ATP10D: variants seen among roughly 807,000 people sequenced by gnomAD.
ATP10D encodes the protein ATPase phospholipid transporting 10D (putative).
In ATP10D, 89 loss-of-function variants were observed where a neutral mutation model predicts 144.8. That is an observed-to-expected ratio of 0.61 (90% confidence interval 0.52 to 0.73). ATP10D has a LOEUF of 0.73. Ranked by LOEUF, ATP10D falls within the 30% of genes least tolerant of loss-of-function variation. The probability of loss-of-function intolerance (pLI) is 0.00; values close to 1 mark genes in which losing one functional copy is unlikely to be tolerated. For synonymous variants in ATP10D, 571 were observed against 615.1 expected (o/e 0.93, Z 1.06); for missense variants, 1,603 against 1,714.8 (o/e 0.93, Z 1.15).
At position 47,560,959 on chromosome 4, in the gene ATP10D, A is replaced by C. The variant is rs1719265137; in HGVS notation, c.2552A>C (p.Asp851Ala). 2 of 1,614,172 alleles carry C rather than the reference A, an allele frequency of 1.2e-6. No individual in the cohort carries two copies. Among genetic ancestry groups the C allele is most frequent in the Admixed American group, 3.3e-5 (2 of 60,032 alleles). ...TAATTCTTCCCGTAGGTCATGAGTGACACTGAATATGCAGAGTGGCTGAGG... is the reference window on the plus strand; with the variant it reads ...TAATTCTTCCCGTAGGTCATGAGTGCCACTGAATATGCAGAGTGGCTGAGG... ...TLCIAKKVMS[D>A]TEYAEWLRNH... Residue 851 changes from aspartate (D) to alanine (A), a missense_variant, in exon 14 of 23, where the codon GAC becomes GCC. By Grantham distance (126) the Asp-to-Ala change is moderately radical. Transcript: ENST00000273859.
intron 13 of ATP10D, among the ~76,000 whole-genome samples, chr4:47,559,578 T>G (rs1227642767): frequency 1.3e-5 from 2 of 152,290 alleles, no homozygotes; most frequent in African/African-American, 2.4e-5. Context: ...AAGATGGAGC[T>G]CCAATAAATT....
chr4:47,494,923 G>A (rs1199322901), intron 1 of ATP10D, among the ~76,000 whole-genome samples: 1 of 152,138 alleles, frequency 6.6e-6, no homozygotes, highest in African/African-American at 2.4e-5. Flanking sequence ...AGAAAGAAGA[G>A]TCTCCCAAAA....
chr4:47,486,399 CTG>C (rs1253084425), intron 1 of ATP10D, among the ~76,000 whole-genome samples: 5 of 152,230 alleles, frequency 3.3e-5, no homozygotes, highest in African/African-American at 1.2e-4. Flanking sequence ...AAAAACAAGT[CTG>C]TATGGACAGA....
At position 47,581,877 on chromosome 4, in the gene ATP10D, C is replaced by T; in HGVS notation, c.3649-83C>T. ...GGGACCTTGTAGAAGGGATTCAAGC[C>T]TTGGTTGAGCTGTAGATAAAGTGAT... On this transcript the variant is annotated intron_variant, in intron 20 of 22. Transcript: ENST00000273859. 5.5e-6 allele frequency: 6 copies of T among 1,100,616 alleles called. No homozygotes were observed. The South Asian group carries it at 6.6e-5, about 12-fold the overall frequency. 68.2% of individuals were successfully genotyped at this position (1,100,616 alleles called of 1,614,324 possible).
intron 21 of ATP10D, chr4:47,582,951 T>C (rs958887459): frequency 5.3e-5 from 8 of 152,228 alleles, no homozygotes; most frequent in Non-Finnish European, 8.8e-5. Flanking sequence ...AAGACCAGCC[T>C]GGGCAACATA....
chr4:47,576,961 T>G lies in ATP10D; in HGVS notation c.3555T>G (p.Gly1185=). The G allele has an allele frequency of 6.2e-7, 1 of 1,614,166 alleles. No individual in the cohort carries two copies. The highest frequency in any genetic ancestry group is 8.5e-7 in the Non-Finnish European group (1 of 1,179,998). ...LMQLPELYRS[G]QKSEAYLPHT... ...AACTGCCTGAACTTTACAGAAGTGG[T>G]CAGAAATCAGAGGTAGGTGTTAAAG... Residue 1185 remains glycine (G), a synonymous_variant, in exon 19 of 23, where the codon GGT becomes GGG. Transcript: ENST00000273859.
rs2109486807 is a variant in ATP10D at position 47,591,415 on chromosome 4, G to C, written c.*34G>C. ...CTTGGAGTTGCAAGTATTCTTTCAA[G>C]GTTGGAAGAGGGATTTTGAAGAGGT... On this transcript the variant is annotated 3_prime_UTR_variant, in exon 23 of 23. Coordinates refer to ENST00000273859, the MANE Select transcript of ATP10D (RefSeq NM_020453.4). The C allele has an allele frequency of 6.6e-7, 1 of 1,505,086 alleles. No homozygotes were observed. The highest frequency in any genetic ancestry group is 9.0e-7 in the Non-Finnish European group (1 of 1,115,606). 93.2% of individuals were successfully genotyped at this position (1,505,086 alleles called of 1,614,324 possible).
intron 15 of ATP10D, among the ~76,000 whole-genome samples, chr4:47,565,888 C>T (rs535349266): frequency 8.5e-5 from 13 of 152,052 alleles, no homozygotes; most frequent in Non-Finnish European, 1.8e-4. Flanking sequence ...TTTTTGCTAT[C>T]GATAGCTATT....
At chr4:47,521,369 G>A (rs1049920028) in intron 3 of ATP10D, among the ~76,000 whole-genome samples, 2 of 152,144 alleles carry the variant, frequency 1.3e-5, no homozygotes, top group African/African-American at 4.8e-5. Flanking sequence ...TGTCACCCTG[G>A]ATAATTCCTT....
At chr4:47,586,176 G>A (rs1720780868) in intron 21 of ATP10D, among the ~76,000 whole-genome samples, 1 of 152,104 alleles carries the variant, frequency 6.6e-6, no homozygotes, top group Admixed American at 6.5e-5. Context: ...CTGTCTTTTG[G>A]ATACAAGCCA....
chr4:47,514,401 C>T (rs1716520188), intron 2 of ATP10D, among the ~76,000 whole-genome samples: 2 of 151,922 alleles, frequency 1.3e-5, no homozygotes, highest in South Asian at 4.2e-4. Context: ...AGAATTGAAG[C>T]CACAGAGTAG....
intron 15 of ATP10D, among the ~76,000 whole-genome samples, chr4:47,567,733 T>C (rs1719717273): frequency 1.3e-5 from 2 of 152,214 alleles, no homozygotes; most frequent in South Asian, 4.1e-4. Context: ...ATCAAATTCA[T>C]TCCTAAAATG....
rs557742118 is a variant in ATP10D at position 47,570,303 on chromosome 4, G to A, written c.3163+1157G>A. ...GAGAGAAAGAGTTGTCATAGGGAAC[G>A]CCAAAGTTATGTCTAAGAACAGAAA... On this transcript the variant is annotated intron_variant, in intron 16 of 22. Coordinates refer to ENST00000273859, the MANE Select transcript of ATP10D (RefSeq NM_020453.4). Among the ~76,000 whole-genome samples the A allele has an allele frequency of 5.9e-5, 9 of 152,218 alleles. No individual in the cohort carries two copies. In the South Asian group the frequency reaches 1.2e-3, roughly 21 times the overall value.
At position 47,591,160 on chromosome 4, in the gene ATP10D, G is replaced by A. The variant is rs1721024116; in HGVS notation, c.4060G>A (p.Gly1354Arg). The A allele has an allele frequency of 1.9e-6, 3 of 1,613,492 alleles. No homozygotes were observed. The highest frequency in any genetic ancestry group is 2.2e-5 in the East Asian group (1 of 44,884). Reference sequence around the variant, plus strand: ...AGCTCTCAAGAAGTGGAGAGGGGCTGGAAAGATGAATCAAGTGACATCAAA... The same window carrying A: ...AGCTCTCAAGAAGTGGAGAGGGGCTAGAAAGATGAATCAAGTGACATCAAA... Reference protein sequence around the residue: ...TKALKKWRGAGKMNQVTSKYA... With the variant: ...TKALKKWRGARKMNQVTSKYA... The change falls in exon 23 of 23, where the codon GGA (glycine) becomes AGA (arginine). Residue 1354 changes from glycine to arginine, a missense_variant. Gly to Arg is a moderately radical substitution (Grantham distance 125). Coordinates refer to ENST00000273859, the MANE Select transcript of ATP10D (RefSeq NM_020453.4).
At chr4:47,576,626 G>T in intron 18 of ATP10D, 147 bp from the exon 19 acceptor site, 1 of 721,254 alleles carries the variant, frequency 1.4e-6, no homozygotes, top group South Asian at 1.7e-5. Flanking sequence ...ACCAAAAAAA[G>T]CTGCAAGGTA....
At chr4:47,586,225 C>T (rs1031572288) in intron 21 of ATP10D, among the ~76,000 whole-genome samples, 28 of 152,130 alleles carry the variant, frequency 1.8e-4, no homozygotes, top group African/African-American at 4.6e-4. Flanking sequence ...TCTCATTGTA[C>T]TTTTCTTTCT....
chr4:47,520,857 G>A (rs1483278200), intron 3 of ATP10D, among the ~76,000 whole-genome samples: 3 of 152,080 alleles, frequency 2.0e-5, no homozygotes, highest in South Asian at 2.1e-4. Context: ...ATGAGCCACC[G>A]TGCCCGGCCT....
rs767100122 is a variant in ATP10D, at chr4:47,580,407, C to T, written c.3577C>T (p.Pro1193Ser). 6.2e-7 allele frequency: 1 copy of T among 1,613,080 alleles called. No individual in the cohort carries two copies. The highest frequency in any genetic ancestry group is 8.5e-7 in the Non-Finnish European group (1 of 1,179,170). The stretch of plus-strand genomic sequence containing the variant: ...TCTGCTTCATTTCTAGGCATACTTA[C>T]CCCATACCTTCTGGATCACCTTATT... ...RSGQKSEAYLPHTFWITLLDA... is the reference protein window; with the variant it reads ...RSGQKSEAYLSHTFWITLLDA... Residue 1193 changes from proline to serine, a missense_variant, in exon 20 of 23, where the codon CCC becomes TCC. Pro to Ser is a moderately conservative substitution (Grantham distance 74). Coordinates refer to ENST00000273859, the MANE Select transcript of ATP10D (RefSeq NM_020453.4).
At chr4:47,553,682 G>A (rs6811048) in intron 10 of ATP10D, among the ~76,000 whole-genome samples, 4 of 151,890 alleles carry the variant, frequency 2.6e-5, no homozygotes, top group Non-Finnish European at 5.9e-5. Flanking sequence ...TTAGTATGCA[G>A]TGGAGCTAAG....
Sources: allele counts gnomAD v4.1 joint callset (sites outside exome capture counted in the v4.1 genomes callset), GRCh38; gene constraint gnomAD v4.1.1; transcripts MANE v1.5; gene names NCBI Gene and HGNC (gene_info 2026-07-23, HGNC 2026-07-21).